The following PRKCE variants were observed in gnomAD, a reference collection of about 807,000 sequenced individuals.
PRKCE encodes the protein protein kinase C epsilon type.
In PRKCE, 16 loss-of-function variants were observed where a neutral mutation model predicts 85.4. The observed-to-expected ratio is 0.19, with a 90% CI of 0.13 to 0.28. The LOEUF (loss-of-function observed/expected upper bound fraction) is 0.28, where lower values mean the gene tolerates loss of function less well. PRKCE is among the 10% of genes least tolerant of loss of function. The pLI, the probability that PRKCE is intolerant of heterozygous loss-of-function variation, is 1.00. For synonymous variants in PRKCE, 388 were observed against 371.5 expected (o/e 1.04, Z -0.51); for missense variants, 573 against 975.2 (o/e 0.59, Z 5.49).
chr2:45,685,027 T>C (rs1034941962), intron 1 of PRKCE, among the ~76,000 whole-genome samples: 2 of 152,176 alleles, frequency 1.3e-5, no homozygotes, highest in Non-Finnish European at 2.9e-5. Context: ...GGCCCTTCTT[T>C]CACTTTGTGG....
chr2:46,094,193 C>T (rs962199014), intron 11 of PRKCE, among the ~76,000 whole-genome samples: 5 of 152,154 alleles, frequency 3.3e-5, no homozygotes, highest in African/African-American at 7.2e-5. Flanking sequence ...AAAGCTGTCA[C>T]CCTGGGATCC....
chr2:46,112,283 T>C (rs550511506), intron 11 of PRKCE, among the ~76,000 whole-genome samples: 1 of 152,350 alleles, frequency 6.6e-6, no homozygotes, highest in East Asian at 1.9e-4. Context: ...TCTGAGCCTT[T>C]ATATTTAAAG....
At chr2:45,945,057 T>G (rs771521813) in intron 2 of PRKCE, among the ~76,000 whole-genome samples, 1 of 152,094 alleles carries the variant, frequency 6.6e-6, no homozygotes, top group Non-Finnish European at 1.5e-5. Flanking sequence ...GCCAAAACTT[T>G]CTCGCATTAG....
At chr2:45,769,718 A>G (rs539134250) in intron 1 of PRKCE, among the ~76,000 whole-genome samples, 22 of 152,318 alleles carry the variant, frequency 1.4e-4, no homozygotes, top group Non-Finnish European at 3.1e-4. Flanking sequence ...CTGTGCTCAC[A>G]TATTTTGATA....
chr2:45,772,727 G>C (rs1218554180), intron 1 of PRKCE, among the ~76,000 whole-genome samples: 1 of 152,274 alleles, frequency 6.6e-6, no homozygotes, highest in Admixed American at 6.5e-5. Flanking sequence ...TTAGGGTGAA[G>C]TTGTGGGTTC....
intron 11 of PRKCE, among the ~76,000 whole-genome samples, chr2:46,134,963 G>T (rs75218380): frequency 3.9e-5 from 6 of 152,208 alleles, no homozygotes; most frequent in African/African-American, 1.4e-4. Flanking sequence ...AAAGTAATTG[G>T]ATGATCATGC....
At chr2:45,694,635 A>T (rs1384726914) in intron 1 of PRKCE, among the ~76,000 whole-genome samples, 1 of 152,232 alleles carries the variant, frequency 6.6e-6, no homozygotes, top group East Asian at 1.9e-4. Flanking sequence ...AATGTTGGTT[A>T]GAGTGGCTGA....
chr2:45,678,832 T>A (rs1326026195), intron 1 of PRKCE, among the ~76,000 whole-genome samples: 2 of 152,226 alleles, frequency 1.3e-5, no homozygotes, highest in African/African-American at 2.4e-5. Context: ...GCAAGTATAA[T>A]GAAGAGATAC....
intron 13 of PRKCE, among the ~76,000 whole-genome samples, chr2:46,157,210 A>C (rs3754565): frequency 0.86 from 130,192 of 152,104 alleles, 55,804 homozygotes; most frequent in East Asian, 0.97. Context: ...CCCAAGTCAG[A>C]TGAGTAACTA....
At chr2:45,685,377 A>G (rs1677218023) in intron 1 of PRKCE, 1 of 152,192 alleles carries the variant, frequency 6.6e-6, no homozygotes, top group Non-Finnish European at 1.5e-5. Flanking sequence ...CCATATTTTA[A>G]TTCTATGATT....
intron 13 of PRKCE, among the ~76,000 whole-genome samples, chr2:46,156,106 C>T (rs1677181815): frequency 6.6e-6 from 1 of 152,046 alleles, no homozygotes; most frequent in Admixed American, 6.5e-5. Flanking sequence ...GCGCCTCATC[C>T]CCTACTTAAA....
chr2:45,842,227 G>A (rs1000065139), intron 1 of PRKCE, among the ~76,000 whole-genome samples: 1 of 152,206 alleles, frequency 6.6e-6, no homozygotes, highest in Non-Finnish European at 1.5e-5. Context: ...TTGAGGTGGG[G>A]AGGGAGGAAG....
intron 2 of PRKCE, among the ~76,000 whole-genome samples, chr2:45,962,691 C>CTT (rs907474753): frequency 1.3e-5 from 2 of 152,162 alleles, no homozygotes; most frequent in Non-Finnish European, 2.9e-5. Context: ...GTTGCCAAGC[C>CTT]TTAAGGCCCG....
At chr2:45,710,056 A>C (rs1188649193) in intron 1 of PRKCE, among the ~76,000 whole-genome samples, 4 of 152,120 alleles carry the variant, frequency 2.6e-5, no homozygotes, top group African/African-American at 9.7e-5. Context: ...AGTGATCCGG[A>C]AAGTTCTGGG....
chr2:46,013,955 C>CATCAGTCA (rs1705904801), intron 10 of PRKCE, among the ~76,000 whole-genome samples: 1 of 152,146 alleles, frequency 6.6e-6, no homozygotes, highest in South Asian at 2.1e-4. Flanking sequence ...AACCCATTGG[C>CATCAGTCA]ATCAGTCATG....
In PRKCE at chr2:45,652,580, C is replaced by T. The variant is rs914272391; in HGVS notation, c.348+132C>T. ...GTGTGTGCCTGTAAGTCTCAGTTTC[C>T]TTGGGGAGGTACACTTCACTTCATA... On this transcript the variant is annotated intron_variant, in intron 1 of 14. Transcript: ENST00000306156. The surrounding 1 kb of genome is among the most constrained non-coding windows in gnomAD (Gnocchi z 7.7). 1.3e-5 allele frequency: 11 copies of T among 866,840 alleles called. No homozygotes were observed. Among genetic ancestry groups the T allele is most frequent in the Non-Finnish European group, 1.6e-5 (9 of 580,098 alleles). 53.7% of individuals were successfully genotyped at this position (866,840 alleles called of 1,614,324 possible).
chr2:45,895,853 A>G lies in PRKCE; in HGVS notation c.412+52790A>G, dbSNP rs1205788916. On this transcript the variant is annotated intron_variant, in intron 2 of 14. Transcript: ENST00000306156. The surrounding 1 kb of genome is among the most constrained non-coding windows in gnomAD (Gnocchi z 4.8). ...TAGGGCCGCAGGGGTTGGGGCTGTG[A>G]TAGAGAAGGGTGGAGGATGCAGGCA... Among the ~76,000 whole-genome samples, 1 of 152,116 alleles carries G rather than the reference A, an allele frequency of 6.6e-6. No homozygotes were observed. The highest frequency in any genetic ancestry group is 1.5e-5 in the Non-Finnish European group (1 of 68,018).
intron 2 of PRKCE, among the ~76,000 whole-genome samples, chr2:45,950,873 C>T (rs1057128177): frequency 6.6e-6 from 1 of 152,172 alleles, no homozygotes. Flanking sequence ...GAGGACCTCT[C>T]AGAACTGGCT....
intron 1 of PRKCE, among the ~76,000 whole-genome samples, chr2:45,721,425 A>G (rs1050099597): frequency 2.6e-5 from 4 of 152,158 alleles, no homozygotes; most frequent in African/African-American, 7.2e-5. Context: ...GCATAGAAAA[A>G]CTAGTTGTCA....
Sources: allele counts gnomAD v4.1 joint callset (sites outside exome capture counted in the v4.1 genomes callset), GRCh38; gene constraint gnomAD v4.1.1; non-coding constraint Gnocchi (gnomAD v3.1); transcripts MANE v1.5; gene names NCBI Gene and HGNC (gene_info 2026-07-23, HGNC 2026-07-21).